Variants in TMEM245 observed in about 807,000 individuals in gnomAD.
The protein encoded by TMEM245 is transmembrane protein 245, also known as protein CG-2.
A neutral mutation model predicts 101.2 loss-of-function variants in TMEM245; 69 were observed. The observed-to-expected ratio is 0.68, with a 90% CI of 0.56 to 0.83. The LOEUF is 0.83. Among genes scored for constraint, TMEM245 ranks in the 40% least tolerant of loss-of-function variants. TMEM245 has a pLI of 0.00. For synonymous variants in TMEM245, 537 were observed against 449.8 expected, an observed-to-expected ratio of 1.19 and a Z score of -2.45; for missense variants, 1,075 against 1,092.8, an observed-to-expected ratio of 0.98 and a Z score of 0.23.
intron 1 of TMEM245, among the ~76,000 whole-genome samples, chr9:109,112,563 G>A (rs890647091): frequency 2.0e-5 from 3 of 150,744 alleles, no homozygotes; most frequent in South Asian, 2.1e-4. Context: ...AAAGAAAGAC[G>A]TATATCTCTA....
intron 17 of TMEM245, among the ~76,000 whole-genome samples, chr9:109,027,074 C>T (rs968244318): frequency 6.6e-6 from 1 of 152,112 alleles, no homozygotes; most frequent in Non-Finnish European, 1.5e-5. Flanking sequence ...CAGACTAACA[C>T]AAGACCCTAA....
intron 1 of TMEM245, among the ~76,000 whole-genome samples, chr9:109,113,844 C>T (rs973658801): frequency 2.0e-5 from 3 of 152,158 alleles, no homozygotes; most frequent in Non-Finnish European, 4.4e-5. Context: ...AATCCCAGCA[C>T]TTTGGGAGGC....
chr9:109,053,218 G>A (rs1828737382), intron 12 of TMEM245, among the ~76,000 whole-genome samples: 1 of 152,154 alleles, frequency 6.6e-6, no homozygotes, highest in Non-Finnish European at 1.5e-5. Flanking sequence ...TTGAAGCCAG[G>A]AGTTTGAGAC....
At chr9:109,077,846 ACTTG>A (rs1050560560) in intron 8 of TMEM245, among the ~76,000 whole-genome samples, 4 of 152,156 alleles carry the variant, frequency 2.6e-5, no homozygotes, top group African/African-American at 7.2e-5. Flanking sequence ...GCAAGTTGGA[ACTTG>A]CTTTTTATAT....
intron 12 of TMEM245, among the ~76,000 whole-genome samples, chr9:109,054,109 C>G (rs573627825): frequency 2.0e-5 from 3 of 152,146 alleles, no homozygotes; most frequent in Non-Finnish European, 4.4e-5. Context: ...GGTGAAAGAA[C>G]AGCTTGAGCT....
chr9:109,108,238 A>C (rs1046195511), intron 2 of TMEM245, among the ~76,000 whole-genome samples: 9 of 152,300 alleles, frequency 5.9e-5, no homozygotes, highest in African/African-American at 2.2e-4. Flanking sequence ...GACTTTTAAA[A>C]GGACCTTTTG....
chr9:109,066,478 A>AAAAT (rs869275234), intron 9 of TMEM245, among the ~76,000 whole-genome samples: 6 of 147,548 alleles, frequency 4.1e-5, no homozygotes, highest in East Asian at 1.9e-4. Flanking sequence ...AAAAAAAAAA[A>AAAAT]TTTCTCAGCA....
chr9:109,061,945 A>T (rs1217089199), intron 10 of TMEM245, among the ~76,000 whole-genome samples: 1 of 152,050 alleles, frequency 6.6e-6, no homozygotes, highest in Non-Finnish European at 1.5e-5. Flanking sequence ...ATATATATGG[A>T]TGTTCATTGC....
At chr9:109,073,844 C>CTTTTTT (rs1286950802) in intron 8 of TMEM245, among the ~76,000 whole-genome samples, 2 of 121,564 alleles carry the variant, frequency 1.6e-5, no homozygotes, top group African/African-American at 6.1e-5. Flanking sequence ...AAGGAACTAA[C>CTTTTTT]TTTTTTTTTT....
At chr9:109,077,850 G>A (rs556698374) in intron 8 of TMEM245, among the ~76,000 whole-genome samples, 1 of 152,258 alleles carries the variant, frequency 6.6e-6, no homozygotes. Flanking sequence ...GTTGGAACTT[G>A]CTTTTTATAT....
chr9:109,113,220 AC>A (rs1366130946), intron 1 of TMEM245, among the ~76,000 whole-genome samples: 1 of 152,270 alleles, frequency 6.6e-6, no homozygotes, highest in Non-Finnish European at 1.5e-5. Flanking sequence ...CTTTAAAATA[AC>A]AAAAATAAGG....
chr9:109,097,456 A>T (rs931845545), intron 3 of TMEM245, among the ~76,000 whole-genome samples: 1 of 152,174 alleles, frequency 6.6e-6, no homozygotes, highest in Non-Finnish European at 1.5e-5. Context: ...CAGTGGCTGG[A>T]AGCACAGGTG....
chr9:109,079,843 C>T (rs1388436622), intron 8 of TMEM245, among the ~76,000 whole-genome samples: 1 of 151,882 alleles, frequency 6.6e-6, no homozygotes, highest in African/African-American at 2.4e-5. Flanking sequence ...CAGGTTTAAG[C>T]AAAATATGAC....
At chr9:109,097,897 C>A (rs770513633) in intron 3 of TMEM245, among the ~76,000 whole-genome samples, 2 of 152,112 alleles carry the variant, frequency 1.3e-5, no homozygotes, top group East Asian at 1.9e-4. Flanking sequence ...CTAGCCTGGG[C>A]GACAGAGAGA....
intron 12 of TMEM245, among the ~76,000 whole-genome samples, chr9:109,051,672 C>A (rs1828690755): frequency 6.6e-6 from 1 of 152,122 alleles, no homozygotes; most frequent in South Asian, 2.1e-4. Context: ...CATTTTGTGG[C>A]CCATCATTAA....
At chr9:109,096,693 C>G (rs1474787735) in intron 3 of TMEM245, among the ~76,000 whole-genome samples, 1 of 152,088 alleles carries the variant, frequency 6.6e-6, no homozygotes, top group Non-Finnish European at 1.5e-5. Context: ...ACCTTCAGGT[C>G]AAAAATTTTA....
intron 3 of TMEM245, among the ~76,000 whole-genome samples, chr9:109,102,999 T>C (rs1368107579): frequency 6.6e-6 from 1 of 152,244 alleles, no homozygotes; most frequent in African/African-American, 2.4e-5. Context: ...ATTAGAGACC[T>C]CTACCTTTAA....
At chr9:109,029,763 T>A (rs1827894404) in intron 17 of TMEM245, among the ~76,000 whole-genome samples, 1 of 152,162 alleles carries the variant, frequency 6.6e-6, no homozygotes, top group Non-Finnish European at 1.5e-5. Flanking sequence ...AGGACAGCAC[T>A]CCACTGGGGC....
chr9:109,024,435 G>A (rs1479914931), intron 17 of TMEM245, among the ~76,000 whole-genome samples: 1 of 152,214 alleles, frequency 6.6e-6, no homozygotes, highest in African/African-American at 2.4e-5. Context: ...CAAGCACCAT[G>A]TTAGGAGTGG....
Sources: allele counts gnomAD v4.1 joint callset (sites outside exome capture counted in the v4.1 genomes callset), GRCh38; gene constraint gnomAD v4.1.1; transcripts MANE v1.5; gene names NCBI Gene and HGNC (gene_info 2026-07-23, HGNC 2026-07-21).